The following RPA2 variants were observed in gnomAD, a reference collection of about 807,000 sequenced individuals.
RPA2 encodes replication protein A2, also known as replication protein A 32 kDa subunit.
A neutral mutation model predicts 33.4 loss-of-function variants in RPA2; 22 were observed. That is an observed-to-expected ratio of 0.66 (90% CI 0.47 to 0.94). The LOEUF is 0.94. Ranked by LOEUF, RPA2 falls within the 40% of genes least tolerant of loss-of-function variation. The pLI is 0.00. For synonymous variants in RPA2, 109 were observed against 114.9 expected (o/e 0.95, Z 0.33); for missense variants, 279 against 329.9 (o/e 0.85, Z 1.19).
In RPA2 at chr1:27,899,841, C is replaced by T. The variant is rs1404612827; in HGVS notation, c.334-2134G>A. Among the ~76,000 whole-genome samples the T allele has an allele frequency of 3.9e-5, 6 of 151,970 alleles. 1 individual carries two copies. The highest frequency in any genetic ancestry group is 6.3e-3 in the Middle Eastern group (2 of 316). ...GACTACAGGCGCCCGCCACCACGCC[C>T]GGCTAATTTTTTGTATTTTTAGTAG... On this transcript the variant is annotated intron_variant, in intron 4 of 8. Coordinates refer to ENST00000373912, the MANE Select transcript of RPA2 (RefSeq NM_002946.5).
Position 27,914,415 on chromosome 1 carries a change from C to T in RPA2, c.10+19G>A. The T allele has an allele frequency of 1.2e-6, 2 of 1,610,090 alleles. No individual in the cohort carries two copies. Among genetic ancestry groups the T allele is most frequent in the Non-Finnish European group, 1.7e-6 (2 of 1,177,818 alleles). Reference sequence around the variant, plus strand: ...TCCTGCGATTCTCTTCCTCCTCCACCCCGCACCCCCATCATTACTGTTCCA... The same window carrying T: ...TCCTGCGATTCTCTTCCTCCTCCACTCCGCACCCCCATCATTACTGTTCCA... On this transcript the variant is annotated intron_variant, in intron 1 of 8. Transcript: ENST00000373912.
chr1:27,913,714 G>A (rs1180683657), intron 2 of RPA2, among the ~76,000 whole-genome samples: 1 of 152,010 alleles, frequency 6.6e-6, no homozygotes, highest in Non-Finnish European at 1.5e-5. Flanking sequence ...CTCAGGAGTC[G>A]GAGACCAGCC....
intron 4 of RPA2, among the ~76,000 whole-genome samples, chr1:27,900,089 G>T (rs746036597): frequency 6.6e-6 from 1 of 152,160 alleles, no homozygotes; most frequent in African/African-American, 2.4e-5. Flanking sequence ...GATTACAGGC[G>T]TCAGCCACCG....
At chr1:27,910,193 G>T (rs2090080825) in intron 2 of RPA2, among the ~76,000 whole-genome samples, 1 of 152,128 alleles carries the variant, frequency 6.6e-6, no homozygotes, top group Admixed American at 6.6e-5. Context: ...TCAAATCCCA[G>T]CTCCAAAGTC....
intron 4 of RPA2, among the ~76,000 whole-genome samples, chr1:27,903,503 G>A (rs1176778393): frequency 6.6e-6 from 1 of 151,424 alleles, no homozygotes; most frequent in Non-Finnish European, 1.5e-5. Context: ...AGGATCACCT[G>A]AGGTCAAAAG....
intron 2 of RPA2, among the ~76,000 whole-genome samples, chr1:27,912,669 T>C (rs997628719): frequency 1.4e-4 from 22 of 152,242 alleles, no homozygotes; most frequent in African/African-American, 4.6e-4. Flanking sequence ...GTACTACCAG[T>C]ATCATCAGAT....
intron 4 of RPA2, among the ~76,000 whole-genome samples, chr1:27,905,550 T>A (rs944943346): frequency 6.6e-6 from 1 of 152,150 alleles, no homozygotes; most frequent in African/African-American, 2.4e-5. Context: ...CTTGGCTTCC[T>A]AAAGTGTTGC....
chr1:27,911,368 G>GA (rs952773941), intron 2 of RPA2, among the ~76,000 whole-genome samples: 1 of 150,970 alleles, frequency 6.6e-6, no homozygotes, highest in Non-Finnish European at 1.5e-5. Flanking sequence ...TCCACAAAAA[G>GA]AAAAAAAAAT....
At chr1:27,903,702 C>T (rs373513308) in intron 4 of RPA2, among the ~76,000 whole-genome samples, 5 of 144,558 alleles carry the variant, frequency 3.5e-5, no homozygotes, top group East Asian at 2.1e-4. Flanking sequence ...CCGGATAACA[C>T]GAGTGAAGCT....
intron 4 of RPA2, among the ~76,000 whole-genome samples, chr1:27,899,365 T>C (rs1433907124): frequency 2.6e-5 from 4 of 151,250 alleles, no homozygotes; most frequent in African/African-American, 7.3e-5. Context: ...ATTAGCCAGG[T>C]GTGGTGGTGG....
At chr1:27,906,448 T>C (rs773625354) in intron 4 of RPA2, among the ~76,000 whole-genome samples, 1 of 151,712 alleles carries the variant, frequency 6.6e-6, no homozygotes, top group East Asian at 1.9e-4. Context: ...TCCCAGCACT[T>C]TGGGAGGCCA....
Position 27,914,484 on chromosome 1 carries a change from G to C in RPA2, c.-41C>G, listed in dbSNP as rs899087725. On this transcript the variant is annotated 5_prime_UTR_variant, in exon 1 of 9. Coordinates refer to ENST00000373912, the MANE Select transcript of RPA2 (RefSeq NM_002946.5). ...CCGCAAAGAGGCCGAGAAGGTGCGG[G>C]TCTGGGGGAATAGCGGAAAACCACA... 3.8e-6 allele frequency: 6 copies of C among 1,593,812 alleles called. No individual in the cohort carries two copies. The African/African-American group carries it at 8.1e-5, about 21-fold the overall frequency.
intron 2 of RPA2, among the ~76,000 whole-genome samples, chr1:27,910,106 T>C (rs983596664): frequency 6.6e-6 from 1 of 152,152 alleles, no homozygotes; most frequent in Non-Finnish European, 1.5e-5. Context: ...ATCTTCAGCA[T>C]AAGAAAACTT....
At chr1:27,913,519 C>T (rs974822379) in intron 2 of RPA2, among the ~76,000 whole-genome samples, 2 of 148,506 alleles carry the variant, frequency 1.3e-5, no homozygotes, top group Non-Finnish European at 3.0e-5. Context: ...ACCTGGGAGG[C>T]GGAGGTTGCG....
intron 4 of RPA2, among the ~76,000 whole-genome samples, chr1:27,906,238 G>A (rs1479231202): frequency 3.3e-5 from 5 of 151,978 alleles, no homozygotes; most frequent in Non-Finnish European, 7.4e-5. Flanking sequence ...GTGGTGGCGG[G>A]TGCCTGTAAT....
chr1:27,907,310 A>G, intron 2 of RPA2, 28 bp from the exon 3 acceptor site: 1 of 1,563,912 alleles, frequency 6.4e-7, no homozygotes, highest in Non-Finnish European at 8.7e-7. Context: ...GCAAAATTCA[A>G]TTAAGAAAGT....
upstream of RPA2, chr1:27,914,763 C>A: frequency 7.7e-7 from 1 of 1,299,480 alleles, no homozygotes; most frequent in African/African-American, 1.5e-5. Flanking sequence ...AAGGGGCTGG[C>A]AGAGCGGTAT....
intron 2 of RPA2, among the ~76,000 whole-genome samples, chr1:27,908,173 C>T (rs2090054292): frequency 6.6e-6 from 1 of 151,946 alleles, no homozygotes; most frequent in Non-Finnish European, 1.5e-5. Flanking sequence ...GTCACTCAGG[C>T]TGGAGTGCAG....
At chr1:27,897,268 G>T in intron 5 of RPA2, 147 bp from the exon 6 acceptor site, 1 of 590,880 alleles carries the variant, frequency 1.7e-6, no homozygotes. Flanking sequence ...TCCAAATATG[G>T]TCAAACATGA....
Sources: allele counts gnomAD v4.1 joint callset (sites outside exome capture counted in the v4.1 genomes callset), GRCh38; gene constraint gnomAD v4.1.1; transcripts MANE v1.5; gene names NCBI Gene and HGNC (gene_info 2026-07-23, HGNC 2026-07-21).